The following DIO1 variants were observed in gnomAD, a reference collection of about 807,000 sequenced individuals.
DIO1 encodes the protein iodothyronine deiodinase 1, also known as type I iodothyronine deiodinase.
A neutral mutation model predicts 25.9 loss-of-function variants in DIO1; 17 were observed. The ratio of observed to expected loss-of-function variants is 0.66; its 90% CI spans 0.45 to 0.98. The LOEUF is 0.98. Ranked by LOEUF, DIO1 falls within the 50% of genes least tolerant of loss-of-function variation. The pLI, the probability that DIO1 is intolerant of heterozygous loss-of-function variation, is 0.00. For missense variants in DIO1, 270 were observed against 310.4 expected (o/e 0.87, Z 0.98); for synonymous variants, 115 against 114.0 (o/e 1.01, Z -0.05).
chr1:53,900,183 T>A (rs1040623040), intron 1 of DIO1, among the ~76,000 whole-genome samples: 6 of 152,362 alleles, frequency 3.9e-5, no homozygotes, highest in Admixed American at 3.9e-4. Flanking sequence ...TTTTGTTTCT[T>A]CTTTTACTTG....
chr1:53,908,816 G>A (rs181564437), intron 3 of DIO1, among the ~76,000 whole-genome samples: 79 of 152,268 alleles, frequency 5.2e-4, no homozygotes, highest in African/African-American at 1.7e-3. Context: ...TACTTAGAAC[G>A]TTCACTGGCT....
chr1:53,899,969 G>A (rs1310984672), intron 1 of DIO1, among the ~76,000 whole-genome samples: 4 of 152,192 alleles, frequency 2.6e-5, no homozygotes, highest in Non-Finnish European at 5.9e-5. Flanking sequence ...ATTGACCTCT[G>A]AGCTGCCCTC....
intron 3 of DIO1, among the ~76,000 whole-genome samples, chr1:53,908,790 G>C (rs112526273): frequency 3.3e-5 from 5 of 152,238 alleles, no homozygotes; most frequent in African/African-American, 9.6e-5. Flanking sequence ...GCAGGAAAGA[G>C]ACATGATCGG....
intron 1 of DIO1, among the ~76,000 whole-genome samples, chr1:53,900,108 T>C (rs1039902933): frequency 2.0e-5 from 3 of 152,180 alleles, no homozygotes; most frequent in Non-Finnish European, 4.4e-5. Context: ...GGAGAGGGGC[T>C]TCGTATGTCC....
In DIO1 at chr1:53,894,275, A is replaced by G. The variant is rs1187985557; in HGVS notation, c.65A>G (p.His22Arg). Residue 22 changes from histidine (H) to arginine (R), a missense_variant, in exon 1 of 4, where the codon CAT becomes CGT. Physicochemically the swap from His to Arg is conservative, Grantham distance 29. Transcript: ENST00000361921. The surrounding 1 kb of genome is among the most constrained non-coding windows in gnomAD (Gnocchi z 4.9). ...TGGGTGCTCTTGGAGGTGGCTGTGC[A>G]TGTGGTCGTGGGTAAAGTGCTTCTG... ...RLWVLLEVAV[H>R]VVVGKVLLIL... 6.2e-7 allele frequency: 1 copy of G among 1,614,122 alleles called. No individual in the cohort carries two copies. Among genetic ancestry groups the G allele is most frequent in the African/African-American group, 1.3e-5 (1 of 74,938 alleles).
intron 2 of DIO1, 121 bp from the exon 3 acceptor site, chr1:53,905,974 A>C: frequency 1.1e-6 from 1 of 887,944 alleles, no homozygotes. Context: ...ATAATGGGAA[A>C]CCAGGCCAAA....
chr1:53,900,268 C>T (rs1651285573), intron 1 of DIO1, among the ~76,000 whole-genome samples: 3 of 151,862 alleles, frequency 2.0e-5, no homozygotes, highest in South Asian at 2.1e-4. Flanking sequence ...GTGTGTATTC[C>T]GTTTTCCCCT....
intron 2 of DIO1, among the ~76,000 whole-genome samples, chr1:53,905,216 T>C (rs1438894796): frequency 3.4e-5 from 5 of 148,206 alleles, no homozygotes; most frequent in Admixed American, 6.8e-5. Context: ...TCGCCTGAGC[T>C]GGGGCTGGAA....
intron 1 of DIO1, among the ~76,000 whole-genome samples, chr1:53,903,604 TTTGGGAGGCCGAGGCCGGCGGATCAC>T (rs919385695): frequency 1.3e-5 from 2 of 151,886 alleles, no homozygotes; most frequent in Admixed American, 6.6e-5. Flanking sequence ...ATCGCAGCAC[TTTGGGAGGCCGAGGCCGGCGGATCAC>T]TTGAGGTCAG....
intron 2 of DIO1, among the ~76,000 whole-genome samples, chr1:53,905,891 C>G (rs1476255348): frequency 6.6e-5 from 10 of 152,232 alleles, no homozygotes; most frequent in Non-Finnish European, 2.9e-5. Context: ...GAGCAGGGGT[C>G]TGGCAGACAG....
Position 53,907,976 on chromosome 1 carries a change from C to A in DIO1, c.681+1682C>A, listed in dbSNP as rs184987200. Among the ~76,000 whole-genome samples, 842 of 148,614 alleles carry A rather than the reference C, an allele frequency of 5.7e-3. 2 individuals carry two copies. Among genetic ancestry groups the A allele is most frequent in the Middle Eastern group, 0.015 (4 of 270 alleles). On this transcript the variant is annotated intron_variant, in intron 3 of 3. Transcript: ENST00000361921. The stretch of plus-strand genomic sequence containing the variant: ...CAGTGGCTCATGCCTGTAATCCCAG[C>A]ACTTTGGGAGGCTGAGGCAGGCAGA...
At chr1:53,899,877 A>G (rs1651266155) in intron 1 of DIO1, among the ~76,000 whole-genome samples, 1 of 152,046 alleles carries the variant, frequency 6.6e-6, no homozygotes, top group Non-Finnish European at 1.5e-5. Flanking sequence ...TATGTTGCCC[A>G]GGCTTTTTGG....
chr1:53,908,084 T>C (rs1461032106), intron 3 of DIO1, among the ~76,000 whole-genome samples: 1 of 151,552 alleles, frequency 6.6e-6, no homozygotes, highest in Non-Finnish European at 1.5e-5. Context: ...TAGCCAGGCA[T>C]GGTGGCATGT....
chr1:53,906,340 G>A (rs1392132396), intron 3 of DIO1, 46 bp downstream of exon 3: 1 of 1,520,660 alleles, frequency 6.6e-7, no homozygotes. Flanking sequence ...AAGGGGCCCA[G>A]GGAGGGCAAG....
Position 53,907,773 on chromosome 1 carries a change from T to C in DIO1, c.681+1479T>C, listed in dbSNP as rs184758120. 6.3e-4 allele frequency among the ~76,000 whole-genome samples: 94 copies of C among 149,134 alleles called. No individual in the cohort carries two copies. The Middle Eastern group carries it at 0.018, about 29-fold the overall frequency. ...CTAAAAATACAAAATTAGCCAGGCG[T>C]GGTGGCGCATGCCTGTAATCCCAGC... On this transcript the variant is annotated intron_variant, in intron 3 of 3. Transcript: ENST00000361921.
intron 1 of DIO1, among the ~76,000 whole-genome samples, chr1:53,904,312 A>G (rs1651528816): frequency 1.3e-5 from 2 of 151,996 alleles, no homozygotes; most frequent in African/African-American, 4.8e-5. Context: ...AAATGGGGGG[A>G]AAAAATGACC....
At chr1:53,903,678 G>T (rs576139717) in intron 1 of DIO1, among the ~76,000 whole-genome samples, 1 of 151,496 alleles carries the variant, frequency 6.6e-6, no homozygotes, top group Non-Finnish European at 1.5e-5. Context: ...GTGAAACCCC[G>T]TCTCTACTAA....
chr1:53,894,498 G>T lies in DIO1; in HGVS notation c.288G>T (p.Pro96=), dbSNP rs35678003. ...TELGGLAPNC[P]VVRLSGQRCN... is the part of the protein sequence containing the mutation. ...TAGGGGGTCTGGCCCCAAACTGCCCGGTGGTCCGCCTCTCAGGACAGAGGT... is the reference window on the plus strand; with the variant it reads ...TAGGGGGTCTGGCCCCAAACTGCCCTGTGGTCCGCCTCTCAGGACAGAGGT... The change falls in exon 1 of 4, where the codon CCG becomes CCT. Residue 96 remains proline, a synonymous_variant. Coordinates refer to ENST00000361921, the MANE Select transcript of DIO1 (RefSeq NM_000792.7). This position sits in a 1 kb window ranked among gnomAD's most constrained non-coding sequence, Gnocchi z 4.9. The T allele has an allele frequency of 1.2e-6, 2 of 1,614,036 alleles. No homozygotes were observed. Among genetic ancestry groups the T allele is most frequent in the Admixed American group, 1.7e-5 (1 of 60,000 alleles).
chr1:53,908,136 T>C (rs1651753973), intron 3 of DIO1, among the ~76,000 whole-genome samples: 1 of 148,380 alleles, frequency 6.7e-6, no homozygotes, highest in African/African-American at 2.5e-5. Context: ...GCAGGAGAAT[T>C]GCTTGAACCC....
Sources: allele counts gnomAD v4.1 joint callset (sites outside exome capture counted in the v4.1 genomes callset), GRCh38; gene constraint gnomAD v4.1.1; non-coding constraint Gnocchi (gnomAD v3.1); transcripts MANE v1.5; gene names NCBI Gene and HGNC (gene_info 2026-07-23, HGNC 2026-07-21).